The following ZRANB1 variants were observed in gnomAD, a reference collection of about 807,000 sequenced individuals.
The protein encoded by ZRANB1 is ubiquitin thioesterase ZRANB1.
A neutral mutation model predicts 80.5 loss-of-function variants in ZRANB1; 16 were observed. The observed-to-expected ratio is 0.20, with a 90% CI of 0.13 to 0.30. The LOEUF is 0.30. Ranked by LOEUF, ZRANB1 falls within the 10% of genes least tolerant of loss-of-function variation. ZRANB1 has a pLI of 1.00. For synonymous variants in ZRANB1, 291 were observed against 293.1 expected, an observed-to-expected ratio of 0.99 and a Z score of 0.07; for missense variants, 576 against 862.6, an observed-to-expected ratio of 0.67 and a Z score of 4.16.
intron 1 of ZRANB1, among the ~76,000 whole-genome samples, chr10:124,958,244 C>G (rs770384851): frequency 9.2e-5 from 14 of 152,164 alleles, no homozygotes; most frequent in Middle Eastern, 3.2e-3. Flanking sequence ...GTAGCGGGAC[C>G]TCTTCTCTAT....
chr10:124,922,324 ATGTATATATATATT>A, the ZRANB1 span, among the ~76,000 whole-genome samples: 9,298 of 37,854 alleles, frequency 0.25, 667 homozygotes, highest in East Asian at 0.52. Context: ...TGTAAAATAT[ATGTATATATATATT>A]TTTTTTTTAA....
intron 1 of ZRANB1, among the ~76,000 whole-genome samples, chr10:124,944,528 C>T (rs960000887): frequency 7.5e-6 from 1 of 132,838 alleles, no homozygotes; most frequent in African/African-American, 2.8e-5. Flanking sequence ...CTCTGTCACC[C>T]AGGCTAGAGG....
chr10:124,958,816 TGTTCACTTTC>T (rs1951707033), intron 1 of ZRANB1, among the ~76,000 whole-genome samples: 2 of 152,238 alleles, frequency 1.3e-5, no homozygotes. Flanking sequence ...TCATGTCTTT[TGTTCACTTTC>T]GTTCACTTTC....
At chr10:124,952,252 A>T (rs1480319192) in intron 1 of ZRANB1, among the ~76,000 whole-genome samples, 1 of 152,198 alleles carries the variant, frequency 6.6e-6, no homozygotes. Context: ...CTTAAATGGC[A>T]GGGTTATCTG....
At chr10:124,948,694 A>G (rs1054873584) in intron 1 of ZRANB1, among the ~76,000 whole-genome samples, 2 of 152,096 alleles carry the variant, frequency 1.3e-5, no homozygotes, top group African/African-American at 2.4e-5. Context: ...AATTTTCTTC[A>G]TAACACTTCT....
At chr10:124,917,543 C>G in the ZRANB1 span, among the ~76,000 whole-genome samples, 1 of 151,968 alleles carries the variant, frequency 6.6e-6, no homozygotes, top group Non-Finnish European at 1.5e-5. Context: ...GGACGCGGTG[C>G]CGGTCCCACC....
chr10:124,928,251 C>T, the ZRANB1 span, among the ~76,000 whole-genome samples: 6,246 of 152,130 alleles, frequency 0.041, 238 homozygotes, highest in Non-Finnish European at 0.054. Context: ...TACATGTCAT[C>T]TTTAGGGACT....
the ZRANB1 span, chr10:124,917,074 G>T: frequency 6.5e-6 from 1 of 153,174 alleles, no homozygotes; most frequent in South Asian, 1.9e-4. Context: ...TGTCCTGACT[G>T]AGGGGAGAGG....
intron 2 of ZRANB1, among the ~76,000 whole-genome samples, chr10:124,970,268 T>A (rs1227379198): frequency 6.6e-6 from 1 of 152,166 alleles, no homozygotes; most frequent in African/African-American, 2.4e-5. Flanking sequence ...TTAAATTTTT[T>A]ATTTTTTTCT....
chr10:124,986,400 TAATGA>T lies in ZRANB1; in HGVS notation c.*1413_*1417del, dbSNP rs1054181040. The T allele has an allele frequency of 2.0e-5, 3 of 152,432 alleles. No individual in the cohort carries two copies. The highest frequency in any genetic ancestry group is 7.2e-5 in the African/African-American group (3 of 41,392). The allele number at this position is 152,432 out of a possible 1,614,324, so 9.4% of individuals were successfully genotyped here. A position where few individuals can be genotyped will look rare whatever the true frequency, so the allele number is the denominator to read the frequency against. On this transcript the variant is annotated 3_prime_UTR_variant, in exon 9 of 9. Coordinates refer to ENST00000359653, the MANE Select transcript of ZRANB1 (RefSeq NM_017580.3). ...CTTGCTTCTTGTTTTGTTTAGTTGA[TAATGA>T]AATGTGTACAACCTCAAATTTGCTG...
In ZRANB1 at chr10:124,985,586, A is replaced by G. The variant is rs1469343738; in HGVS notation, c.*594A>G. The G allele has an allele frequency of 6.5e-6, 1 of 152,710 alleles. No homozygotes were observed. The highest frequency in any genetic ancestry group is 1.5e-5 in the Non-Finnish European group (1 of 68,062). 9.5% of individuals were successfully genotyped at this position (152,710 alleles called of 1,614,324 possible). A position where few individuals can be genotyped will look rare whatever the true frequency, so the allele number is the denominator to read the frequency against. ...GAACAAACTGCAAGAAAAGCTAAGA[A>G]TGTTTTAGAGTGAACTAAATACAGA... is the stretch of plus-strand genomic sequence containing the variant. On this transcript the variant is annotated 3_prime_UTR_variant, in exon 9 of 9. Transcript: ENST00000359653.
At chr10:124,940,373 G>A (rs1246329564), upstream of ZRANB1, 1 of 510,552 alleles carries the variant, frequency 2.0e-6, no homozygotes, top group Admixed American at 3.8e-5. Context: ...CTCCTTTACA[G>A]GAATAGCTAT....
At chr10:124,973,606 T>C in intron 3 of ZRANB1, 39 bp from the exon 4 acceptor site, 6 of 1,562,896 alleles carry the variant, frequency 3.8e-6, no homozygotes, top group Non-Finnish European at 5.3e-6. Context: ...GTGTAAGTTA[T>C]GAAACAAAAG....
chr10:124,963,032 G>A (rs576119908), intron 1 of ZRANB1, among the ~76,000 whole-genome samples: 6 of 152,234 alleles, frequency 3.9e-5, no homozygotes, highest in African/African-American at 1.2e-4. Flanking sequence ...TTGGGAGGCC[G>A]AGGTGGGTGG....
At chr10:124,946,753 A>G (rs1951588107) in intron 1 of ZRANB1, among the ~76,000 whole-genome samples, 1 of 152,100 alleles carries the variant, frequency 6.6e-6, no homozygotes, top group African/African-American at 2.4e-5. Flanking sequence ...CTTTTTTTAA[A>G]CTTGTTTACA....
At position 124,981,842 on chromosome 10, in the gene ZRANB1, C is replaced by T. The variant is rs940830561; in HGVS notation, c.1548+13C>T. 7 of 1,612,756 alleles carry T rather than the reference C, an allele frequency of 4.3e-6. No homozygotes were observed. The highest frequency in any genetic ancestry group is 5.9e-6 in the Non-Finnish European group (7 of 1,179,574). On this transcript the variant is annotated intron_variant, in intron 6 of 8. Coordinates refer to ENST00000359653, the MANE Select transcript of ZRANB1 (RefSeq NM_017580.3). ...TCTTGCTAGTCAGGTGAGGATGCTT[C>T]AAGTCTTGTTGCTTCTATGAGAAAA...
At chr10:124,950,375 C>T (rs1018368864) in intron 1 of ZRANB1, among the ~76,000 whole-genome samples, 1 of 152,132 alleles carries the variant, frequency 6.6e-6, no homozygotes, top group East Asian at 1.9e-4. Context: ...CCGCCCGCCT[C>T]GGTCTCCCAA....
chr10:124,936,841 T>A, the ZRANB1 span, among the ~76,000 whole-genome samples: 3 of 152,198 alleles, frequency 2.0e-5, no homozygotes, highest in East Asian at 5.8e-4. Context: ...CCCTAAGATG[T>A]TCTCTGAGCA....
At chr10:124,966,474 A>T in intron 1 of ZRANB1, 120 bp from the exon 2 acceptor site, 1 of 935,312 alleles carries the variant, frequency 1.1e-6, no homozygotes, top group Non-Finnish European at 1.6e-6. Context: ...CATTTAAATG[A>T]TGCATCAGGA....
Sources: gnomAD v4.1 joint callset for allele counts (sites outside exome capture counted in the v4.1 genomes callset) on GRCh38, gnomAD v4.1.1 for gene constraint, MANE v1.5 for transcripts, NCBI Gene and HGNC (gene_info 2026-07-23, HGNC 2026-07-21) for gene names.